Variants in RPS6KB1 observed in about 807,000 individuals in gnomAD.
RPS6KB1 encodes ribosomal protein S6 kinase beta-1.
In RPS6KB1, 12 loss-of-function variants were observed where a neutral mutation model predicts 70.2. That is an observed-to-expected ratio of 0.17 (90% CI 0.11 to 0.28). The LOEUF (loss-of-function observed/expected upper bound fraction) is 0.28. RPS6KB1 is among the 10% of genes least tolerant of loss of function. RPS6KB1 has a pLI of 1.00. For missense variants in RPS6KB1, 270 were observed against 646.6 expected, an observed-to-expected ratio of 0.42 and a Z score of 6.32; for synonymous variants, 175 against 211.2, an observed-to-expected ratio of 0.83 and a Z score of 1.49.
chr17:59,943,905 TACAC>T (rs1555654721), intron 13 of RPS6KB1, among the ~76,000 whole-genome samples: 3 of 136,934 alleles, frequency 2.2e-5, no homozygotes, highest in Admixed American at 7.4e-5. Flanking sequence ...TATATATATA[TACAC>T]ATATATATAT....
At chr17:59,900,224 A>C (rs1329287161) in intron 1 of RPS6KB1, among the ~76,000 whole-genome samples, 10 of 139,448 alleles carry the variant, frequency 7.2e-5, no homozygotes, top group African/African-American at 2.8e-4. Context: ...ACACACACAC[A>C]CACACACCCC....
chr17:59,946,592 C>T lies in RPS6KB1; in HGVS notation c.1382C>T (p.Ala461Val), dbSNP rs762344908. The T allele has an allele frequency of 1.2e-6, 2 of 1,614,150 alleles. No homozygotes were observed. Among genetic ancestry groups the T allele is most frequent in the East Asian group, 2.2e-5 (1 of 44,882 alleles). Residue 461 changes from alanine (A) to valine (V), a missense_variant, in exon 15 of 15, where the codon GCT (alanine) becomes GTT (valine). Ala to Val is a moderately conservative substitution (Grantham distance 64). Around this residue, in one of 4 missense-constraint regions of RPS6KB1, gnomAD observed 133 missense variants for 314.7 expected, o/e 0.42. Coordinates refer to ENST00000225577, the MANE Select transcript of RPS6KB1 (RefSeq NM_003161.4). This position sits in a 1 kb window ranked among gnomAD's most constrained non-coding sequence, Gnocchi z 4.2. ...CCTGGGGATTTCTGGGGAAGAGGTG[C>T]TTCGGCCAGCACAGCAAATCCTCAG... The part of the protein sequence containing the change: ...FSPGDFWGRG[A>V]SASTANPQTP...
chr17:59,903,733 C>T (rs2042099897), intron 1 of RPS6KB1, among the ~76,000 whole-genome samples: 1 of 152,082 alleles, frequency 6.6e-6, no homozygotes, highest in South Asian at 2.1e-4. Context: ...CATCTATTAT[C>T]CTAGTGGGTG....
intron 3 of RPS6KB1, among the ~76,000 whole-genome samples, chr17:59,913,200 C>A (rs2144799733): frequency 6.6e-6 from 1 of 152,254 alleles, no homozygotes; most frequent in South Asian, 2.1e-4. Flanking sequence ...AACTGGTTTT[C>A]TGGAGCAATA....
At chr17:59,933,321 T>G (rs2044050934) in intron 7 of RPS6KB1, among the ~76,000 whole-genome samples, 1 of 136,036 alleles carries the variant, frequency 7.4e-6, no homozygotes, top group Non-Finnish European at 1.6e-5. Context: ...CTGATCTGAA[T>G]TATAAGTCAC....
chr17:59,907,564 G>T (rs1213797679), intron 1 of RPS6KB1, among the ~76,000 whole-genome samples: 1 of 150,068 alleles, frequency 6.7e-6, no homozygotes, highest in African/African-American at 2.5e-5. Flanking sequence ...TTGAGACAGG[G>T]TCTCACTCTG....
At chr17:59,937,624 TG>T (rs1176154035) in intron 12 of RPS6KB1, among the ~76,000 whole-genome samples, 1 of 152,242 alleles carries the variant, frequency 6.6e-6, no homozygotes, top group East Asian at 1.9e-4. Context: ...GTGTTCTACC[TG>T]TGTGCATATC....
intron 1 of RPS6KB1, among the ~76,000 whole-genome samples, chr17:59,895,829 C>T (rs2041519849): frequency 6.6e-6 from 1 of 151,916 alleles, no homozygotes; most frequent in Non-Finnish European, 1.5e-5. Flanking sequence ...GATGGGGTTT[C>T]ACCATGTTGC....
chr17:59,919,921 C>T (rs1163123992), intron 4 of RPS6KB1, among the ~76,000 whole-genome samples: 1 of 152,124 alleles, frequency 6.6e-6, no homozygotes, highest in African/African-American at 2.4e-5. Flanking sequence ...TTCCCCTTTG[C>T]AGGCACTTAG....
intron 4 of RPS6KB1, among the ~76,000 whole-genome samples, chr17:59,920,275 C>T: frequency 6.6e-6 from 1 of 152,074 alleles, no homozygotes; most frequent in Non-Finnish European, 1.5e-5. Flanking sequence ...TTCTTGGCCT[C>T]CCAAAGTGCT....
At chr17:59,926,630 T>C in intron 5 of RPS6KB1, 48 bp downstream of exon 5, 1 of 1,416,694 alleles carries the variant, frequency 7.1e-7, no homozygotes, top group Non-Finnish European at 9.8e-7. Context: ...CTCCAGAAAC[T>C]GGGTCAAAAT....
chr17:59,921,008 A>G (rs993497725), intron 4 of RPS6KB1, among the ~76,000 whole-genome samples: 2 of 152,170 alleles, frequency 1.3e-5, no homozygotes, highest in Non-Finnish European at 2.9e-5. Context: ...TCTGGTCAAG[A>G]TTCTTAACTG....
At position 59,934,013 on chromosome 17, in the gene RPS6KB1, C is replaced by T. The variant is rs1275362867; in HGVS notation, c.689-157C>T. ...TGCCCTAGCCTTAAACAGTTAGCAT[C>T]CCATTTTATGGATGGTACCTTGTTC... On this transcript the variant is annotated intron_variant, in intron 7 of 14. Coordinates refer to ENST00000225577, the MANE Select transcript of RPS6KB1 (RefSeq NM_003161.4). This position sits in a 1 kb window ranked among gnomAD's most constrained non-coding sequence, Gnocchi z 4.8. 6.5e-6 allele frequency: 4 copies of T among 616,818 alleles called. No homozygotes were observed. The highest frequency in any genetic ancestry group is 1.2e-5 in the Non-Finnish European group (4 of 339,012). The allele number at this position is 616,818 out of a possible 1,614,324, so 38.2% of individuals were successfully genotyped here. A position where few individuals can be genotyped will look rare whatever the true frequency, so the allele number is the denominator to read the frequency against.
At chr17:59,913,565 G>C (rs2042771530) in intron 3 of RPS6KB1, among the ~76,000 whole-genome samples, 1 of 152,104 alleles carries the variant, frequency 6.6e-6, no homozygotes, top group Non-Finnish European at 1.5e-5. Context: ...TTTCAGTATG[G>C]GGGAGGGGTA....
chr17:59,893,719 GA>G lies in RPS6KB1; in HGVS notation c.141+395del. ...GGCGAAGTGTGGAGGGTTTCCCTTC[GA>G]GTCTAGAATTTCAAGTATTGAATCT... is the stretch of plus-strand genomic sequence containing the variant. On this transcript the variant is annotated intron_variant, in intron 1 of 14. Coordinates refer to ENST00000225577, the MANE Select transcript of RPS6KB1 (RefSeq NM_003161.4). This position sits in a 1 kb window ranked among gnomAD's most constrained non-coding sequence, Gnocchi z 4.1. 2.1e-6 allele frequency: 2 copies of G among 956,410 alleles called. No individual in the cohort carries two copies. Among genetic ancestry groups the G allele is most frequent in the Non-Finnish European group, 2.5e-6 (2 of 796,878 alleles). 59.2% of individuals were successfully genotyped at this position (956,410 alleles called of 1,614,324 possible).
rs2045123904 is a variant in RPS6KB1, at chr17:59,949,933, A to C, written c.*3145A>C. ...ATGGTTCCTAGCTTACAAGGGCTAGATCTAAGATTATTCCCATGAGAAATG... is the reference window on the plus strand; with the variant it reads ...ATGGTTCCTAGCTTACAAGGGCTAGCTCTAAGATTATTCCCATGAGAAATG... On this transcript the variant is annotated 3_prime_UTR_variant, in exon 15 of 15. Transcript: ENST00000225577. The C allele has an allele frequency of 6.6e-6, 1 of 152,648 alleles. No individual in the cohort carries two copies. Among genetic ancestry groups the C allele is most frequent in the East Asian group, 1.9e-4 (1 of 5,190 alleles). The allele number at this position is 152,648 out of a possible 1,614,324, so 9.5% of individuals were successfully genotyped here.
At chr17:59,945,316 C>T in intron 13 of RPS6KB1, 90 bp from the exon 14 acceptor site, 1 of 679,486 alleles carries the variant, frequency 1.5e-6, no homozygotes, top group Non-Finnish European at 2.7e-6. Flanking sequence ...AGGTGTGCAT[C>T]ATTGTGTAGG....
intron 1 of RPS6KB1, among the ~76,000 whole-genome samples, chr17:59,894,797 G>C (rs1456635726): frequency 6.6e-6 from 1 of 151,862 alleles, no homozygotes; most frequent in Non-Finnish European, 1.5e-5. Context: ...TAGAGACAGG[G>C]TTTCACCATA....
At position 59,893,226 on chromosome 17, in the gene RPS6KB1, G is replaced by A. The variant is rs1303521689; in HGVS notation, c.42G>A (p.Pro14=). The change falls in exon 1 of 15, where the codon CCG becomes CCA. Residue 14 remains proline, a synonymous_variant. Transcript: ENST00000225577. The surrounding 1 kb of genome is among the most constrained non-coding windows in gnomAD (Gnocchi z 4.1). ...RRRRDGFYPA[P]DFRDREAEDM... ...GGCGGGACGGCTTTTACCCAGCCCCGGACTTCCGAGACAGGGAAGCTGAGG... is the reference window on the plus strand; with the variant it reads ...GGCGGGACGGCTTTTACCCAGCCCCAGACTTCCGAGACAGGGAAGCTGAGG... 1 of 1,611,586 alleles carries A rather than the reference G, an allele frequency of 6.2e-7. No homozygotes were observed. The highest frequency in any genetic ancestry group is 8.5e-7 in the Non-Finnish European group (1 of 1,179,104).
Sources: gnomAD v4.1 joint callset for allele counts (sites outside exome capture counted in the v4.1 genomes callset) on GRCh38, gnomAD v4.1.1 for gene constraint, gnomAD v4.1.1 regional missense constraint, Gnocchi (gnomAD v3.1) non-coding constraint, MANE v1.5 for transcripts, NCBI Gene and HGNC (gene_info 2026-07-23, HGNC 2026-07-21) for gene names.